The following FRMD3 variants were observed in gnomAD, a reference collection of about 807,000 sequenced individuals.
FRMD3 encodes FERM domain containing 3.
In FRMD3, 33 loss-of-function variants were observed where a neutral mutation model predicts 70.2. The ratio of observed to expected loss-of-function variants is 0.47; its 90% confidence interval spans 0.36 to 0.63. The LOEUF (loss-of-function observed/expected upper bound fraction) is 0.63, where lower values mean the gene tolerates loss of function less well. Among genes scored for constraint, FRMD3 ranks in the 20% least tolerant of loss-of-function variants. The pLI is 0.00. For missense variants in FRMD3, 632 were observed against 711.4 expected (o/e 0.89, Z 1.27); for synonymous variants, 279 against 255.9 (o/e 1.09, Z -0.86).
chr9:83,253,664 G>A (rs1467095611), intron 13 of FRMD3, among the ~76,000 whole-genome samples: 1 of 152,204 alleles, frequency 6.6e-6, no homozygotes, highest in African/African-American at 2.4e-5. Context: ...GACACTGTTG[G>A]TGGGACTGTA....
In FRMD3 at chr9:83,372,906, CACTT is replaced by C. The variant is rs1825024179; in HGVS notation, c.295+3_295+6del. On this transcript the variant is annotated splice_donor_5th_base_variant and intron_variant, in intron 3 of 13. Coordinates refer to ENST00000304195, the MANE Select transcript of FRMD3 (RefSeq NM_174938.6). ...TAGCAAAAGTAAAGTCACAGATTGACACTTACTTTTCATTTGCTTGAAGATGGAC... is the reference window on the plus strand; with the variant it reads ...TAGCAAAAGTAAAGTCACAGATTGACACTTTTCATTTGCTTGAAGATGGAC... 1 of 1,609,826 alleles carries C rather than the reference CACTT, an allele frequency of 6.2e-7. No homozygotes were observed. Among genetic ancestry groups the C allele is most frequent in the Non-Finnish European group, 8.5e-7 (1 of 1,176,576 alleles).
At chr9:83,399,512 G>A (rs551888455) in intron 1 of FRMD3, among the ~76,000 whole-genome samples, 1 of 150,848 alleles carries the variant, frequency 6.6e-6, no homozygotes, top group African/African-American at 2.4e-5. Context: ...TCTTGTTCCA[G>A]ATTTTCGTGC....
At chr9:83,327,926 T>C (rs905328593) in intron 6 of FRMD3, among the ~76,000 whole-genome samples, 2 of 152,140 alleles carry the variant, frequency 1.3e-5, no homozygotes, top group Admixed American at 1.3e-4. Context: ...ACATTATCTC[T>C]CGCAAATCCT....
chr9:83,301,553 A>G (rs1348817716), intron 10 of FRMD3, among the ~76,000 whole-genome samples: 1 of 151,090 alleles, frequency 6.6e-6, no homozygotes, highest in Non-Finnish European at 1.5e-5. Flanking sequence ...GAGTTTCTTA[A>G]TTGGGTTTTT....
chr9:83,466,056 C>T (rs962820769), intron 1 of FRMD3, among the ~76,000 whole-genome samples: 1 of 152,184 alleles, frequency 6.6e-6, no homozygotes, highest in African/African-American at 2.4e-5. Context: ...CACCTGGGTT[C>T]ATCAATACCC....
At chr9:83,356,070 T>A (rs1308002968) in intron 3 of FRMD3, among the ~76,000 whole-genome samples, 1 of 152,152 alleles carries the variant, frequency 6.6e-6, no homozygotes, top group East Asian at 1.9e-4. Context: ...GAGGTACAGC[T>A]GTTTATAAAA....
chr9:83,311,818 A>G, intron 8 of FRMD3, 69 bp downstream of exon 8: 1 of 1,089,844 alleles, frequency 9.2e-7, no homozygotes, highest in Admixed American at 1.9e-5. Flanking sequence ...TTGCCCGAGA[A>G]GCCAAGGAGG....
chr9:83,521,734 C>T (rs920302784), intron 1 of FRMD3, among the ~76,000 whole-genome samples: 15 of 152,226 alleles, frequency 9.9e-5, no homozygotes, highest in Non-Finnish European at 1.8e-4. Context: ...GCAGGTAATG[C>T]CAACTTCCCA....
intron 1 of FRMD3, among the ~76,000 whole-genome samples, chr9:83,400,399 T>A (rs553218584): frequency 6.6e-6 from 1 of 152,238 alleles, no homozygotes; most frequent in South Asian, 2.1e-4. Flanking sequence ...AAATAAAAGA[T>A]CTAAATAAAT....
Position 83,518,593 on chromosome 9 carries a change from C to T in FRMD3, c.147+19492G>A, listed in dbSNP as rs147750373. Among the ~76,000 whole-genome samples the T allele has an allele frequency of 3.0e-3, 452 of 152,268 alleles. 1 individual carries two copies. The highest frequency in any genetic ancestry group is 0.011 in the African/African-American group (441 of 41,552). On this transcript the variant is annotated intron_variant, in intron 1 of 13. Coordinates refer to ENST00000304195, the MANE Select transcript of FRMD3 (RefSeq NM_174938.6). ...AGTAATTTATAGATTCAATGCTACT[C>T]CCATCAAGCTGCCATTGACTTTCTT...
intron 7 of FRMD3, among the ~76,000 whole-genome samples, chr9:83,312,907 G>A (rs1835419793): frequency 6.6e-6 from 1 of 152,222 alleles, no homozygotes; most frequent in South Asian, 2.1e-4. Flanking sequence ...TGCCAAATAA[G>A]ATTAGGCAGT....
intron 2 of FRMD3, among the ~76,000 whole-genome samples, chr9:83,388,581 G>T (rs1825576781): frequency 6.6e-6 from 1 of 152,130 alleles, no homozygotes; most frequent in South Asian, 2.1e-4. Flanking sequence ...CGTGGTTCTG[G>T]CATATGCTAC....
chr9:83,536,826 T>G (rs1386706913), intron 1 of FRMD3, among the ~76,000 whole-genome samples: 1 of 151,376 alleles, frequency 6.6e-6, no homozygotes. Flanking sequence ...GGGAAAGTCC[T>G]TTCATTCCTT....
At chr9:83,376,127 T>A (rs1825136844) in intron 2 of FRMD3, among the ~76,000 whole-genome samples, 1 of 142,142 alleles carries the variant, frequency 7.0e-6, no homozygotes, top group Non-Finnish European at 1.5e-5. Flanking sequence ...GCCATTGCAC[T>A]CCAGCCTGGG....
At chr9:83,430,418 A>C (rs1396686513) in intron 1 of FRMD3, among the ~76,000 whole-genome samples, 1 of 152,240 alleles carries the variant, frequency 6.6e-6, no homozygotes, top group Non-Finnish European at 1.5e-5. Flanking sequence ...GTATAAGTAC[A>C]TGTAAATGTA....
intron 11 of FRMD3, 147 bp downstream of exon 11, chr9:83,298,965 C>G: frequency 1.0e-6 from 1 of 970,448 alleles, no homozygotes; most frequent in Admixed American, 2.0e-5. Flanking sequence ...TTGAGGGTGC[C>G]CTGTGAGCAT....
chr9:83,334,239 A>C (rs1045430969), intron 6 of FRMD3, among the ~76,000 whole-genome samples: 1 of 152,212 alleles, frequency 6.6e-6, no homozygotes, highest in Non-Finnish European at 1.5e-5. Context: ...ATGTATCTTC[A>C]ACAAGGCTTT....
rs541199703 is a variant in FRMD3 at position 83,475,105 on chromosome 9, T to C, written c.147+62980A>G. ...ATTTTTTATTTACAGTGCCCAACAT[T>C]CAATTAAAAATTACCGGGCATACCA... On this transcript the variant is annotated intron_variant, in intron 1 of 13. Transcript: ENST00000304195. Among the ~76,000 whole-genome samples the C allele has an allele frequency of 6.6e-5, 10 of 152,188 alleles. No individual in the cohort carries two copies. The South Asian group carries it at 2.1e-3, about 32-fold the overall frequency.
At chr9:83,481,795 A>T (rs1286632528) in intron 1 of FRMD3, among the ~76,000 whole-genome samples, 1 of 152,190 alleles carries the variant, frequency 6.6e-6, no homozygotes, top group African/African-American at 2.4e-5. Context: ...TCTTCTTTCC[A>T]GCAGGGCTTC....
Sources: allele counts gnomAD v4.1 joint callset (sites outside exome capture counted in the v4.1 genomes callset), GRCh38; gene constraint gnomAD v4.1.1; transcripts MANE v1.5; gene names NCBI Gene and HGNC (gene_info 2026-07-23, HGNC 2026-07-21).